Variants in SSPN observed in about 807,000 individuals in gnomAD.
SSPN encodes the protein K-ras oncogene-associated protein.
SSPN carries 15 observed loss-of-function variants against 19.1 expected under a neutral mutation model. The observed-to-expected ratio is 0.78, with a 90% CI of 0.52 to 1.21. The LOEUF is 1.21. Among genes scored for constraint, SSPN ranks in the 50% most tolerant of loss-of-function variants. The probability of loss-of-function intolerance (pLI) is 0.00; values close to 1 mark genes in which losing one functional copy is unlikely to be tolerated. For missense variants in SSPN, 291 were observed against 314.0 expected (o/e 0.93, Z 0.55); for synonymous variants, 147 against 140.3 (o/e 1.05, Z -0.34).
chr12:26,178,850 A>G (rs1369411526), intron 1 of SSPN, among the ~76,000 whole-genome samples: 1 of 152,222 alleles, frequency 6.6e-6, no homozygotes, highest in Non-Finnish European at 1.5e-5. Context: ...CTCTTGAGAT[A>G]TGATGTTACT....
intron 1 of SSPN, among the ~76,000 whole-genome samples, chr12:26,163,037 GTGTGTGTGTGTGTGTGTGTGTGTA>G (rs56723364): frequency 0.07 from 10,566 of 150,182 alleles, 1,158 homozygotes; most frequent in African/African-American, 0.23. Flanking sequence ...CAAGACGTGT[GTGTGTGTGTGTGTGTGTGTGTGTA>G]TGTGTGTGTG....
At chr12:26,141,017 T>C (rs547489507) in intron 1 of SSPN, among the ~76,000 whole-genome samples, 2 of 152,312 alleles carry the variant, frequency 1.3e-5, no homozygotes, top group Admixed American at 1.3e-4. Context: ...CAATCTATAG[T>C]AGGCAGAATA....
chr12:26,196,403 A>T (rs759744752), intron 1 of SSPN, among the ~76,000 whole-genome samples: 7 of 152,222 alleles, frequency 4.6e-5, no homozygotes, highest in African/African-American at 7.2e-5. Flanking sequence ...TGCCACATTG[A>T]GTAGCATTCA....
chr12:26,177,377 C>T (rs1944690823), intron 1 of SSPN, among the ~76,000 whole-genome samples: 2 of 152,150 alleles, frequency 1.3e-5, no homozygotes, highest in South Asian at 2.1e-4. Context: ...TCTTGGACCC[C>T]TGGACACCTT....
At chr12:26,189,836 GA>G (rs1250871404) in intron 1 of SSPN, among the ~76,000 whole-genome samples, 1 of 152,158 alleles carries the variant, frequency 6.6e-6, no homozygotes, top group Non-Finnish European at 1.5e-5. Flanking sequence ...TACTTCATGT[GA>G]TTTCTCTGTG....
chr12:26,193,163 C>G (rs1338568108), upstream of SSPN, among the ~76,000 whole-genome samples: 1 of 152,056 alleles, frequency 6.6e-6, no homozygotes. Context: ...ACTATGCTAC[C>G]CATGATAATT....
intron 1 of SSPN, among the ~76,000 whole-genome samples, chr12:26,214,073 T>G (rs922103205): frequency 6.6e-6 from 1 of 152,106 alleles, no homozygotes; most frequent in South Asian, 2.1e-4. Flanking sequence ...TTGAGCACAG[T>G]TTGAGTTCCT....
At chr12:26,166,101 A>T (rs1354564875) in intron 1 of SSPN, among the ~76,000 whole-genome samples, 1 of 152,184 alleles carries the variant, frequency 6.6e-6, no homozygotes, top group Non-Finnish European at 1.5e-5. Flanking sequence ...GGAGGGGAAC[A>T]TCACACACCA....
At chr12:26,168,039 C>T (rs1354471506) in intron 1 of SSPN, among the ~76,000 whole-genome samples, 3 of 151,580 alleles carry the variant, frequency 2.0e-5, no homozygotes, top group Non-Finnish European at 4.4e-5. Flanking sequence ...TGTGGTGAAA[C>T]CCCATCTCTA....
rs889545153 is a variant in SSPN, at chr12:26,230,697, C to G, written c.367-14C>G. On this transcript the variant is annotated splice_polypyrimidine_tract_variant and intron_variant, in intron 2 of 2. Coordinates refer to ENST00000242729, the MANE Select transcript of SSPN (RefSeq NM_005086.5). ...TCTTTGTAACCAGAAAGGTTTTCTTCTGCTTTCTTGCAGCTGTTATACTTT... is the reference window on the plus strand; with the variant it reads ...TCTTTGTAACCAGAAAGGTTTTCTTGTGCTTTCTTGCAGCTGTTATACTTT... The G allele has an allele frequency of 1.3e-6, 2 of 1,585,992 alleles. No homozygotes were observed. Among genetic ancestry groups the G allele is most frequent in the African/African-American group, 2.7e-5 (2 of 74,024 alleles).
chr12:26,122,467 G>T (rs1481241041), intron 1 of SSPN: 1 of 1,351,236 alleles, frequency 7.4e-7, no homozygotes. Context: ...AAGCAGAAGG[G>T]CAGGCAGAAG....
rs568841083 is a variant in SSPN, at chr12:26,150,672, C to A, written c.-31+28520C>A. ...TTACTAAAAAATATTTTAAGGGAAACCTTTGAGACCCCACAGTTGAGAATA... is the reference window on the plus strand; with the variant it reads ...TTACTAAAAAATATTTTAAGGGAAAACTTTGAGACCCCACAGTTGAGAATA... On this transcript the variant is annotated intron_variant, in intron 1 of 2. Coordinates refer to the SSPN transcript ENST00000538142. Among the ~76,000 whole-genome samples, 5 of 151,868 alleles carry A rather than the reference C, an allele frequency of 3.3e-5. 1 individual carries two copies. The highest frequency in any genetic ancestry group is 1.3e-4 in the Admixed American group (2 of 15,232).
At chr12:26,145,267 C>T (rs1008542628) in intron 1 of SSPN, among the ~76,000 whole-genome samples, 1 of 152,310 alleles carries the variant, frequency 6.6e-6, no homozygotes, top group African/African-American at 2.4e-5. Context: ...ATCTTCACCA[C>T]TTTGTAACCA....
intron 1 of SSPN, among the ~76,000 whole-genome samples, chr12:26,196,511 A>T (rs1944831517): frequency 6.6e-6 from 1 of 152,186 alleles, no homozygotes; most frequent in Non-Finnish European, 1.5e-5. Flanking sequence ...AATCCACTGG[A>T]GTCTAAAGTG....
intron 1 of SSPN, among the ~76,000 whole-genome samples, chr12:26,147,970 C>A (rs1036687556): frequency 6.6e-6 from 1 of 152,136 alleles, no homozygotes; most frequent in Non-Finnish European, 1.5e-5. Flanking sequence ...TAGAATATAT[C>A]TTAATATTTA....
chr12:26,128,820 C>T (rs1944381166), intron 1 of SSPN, among the ~76,000 whole-genome samples: 1 of 152,082 alleles, frequency 6.6e-6, no homozygotes, highest in African/African-American at 2.4e-5. Context: ...TAGCTGCTTC[C>T]ATTGCTTTTC....
Position 26,137,714 on chromosome 12 carries a change from G to C in SSPN, c.-31+15562G>C, listed in dbSNP as rs1337574390. ...GAGTCTTGCTCTGTTGCCTAGGCTGGAGTACAGTGGTGCAATCTTGGCTCA... is the reference window on the plus strand; with the variant it reads ...GAGTCTTGCTCTGTTGCCTAGGCTGCAGTACAGTGGTGCAATCTTGGCTCA... On this transcript the variant is annotated intron_variant, in intron 1 of 2. Coordinates refer to the SSPN transcript ENST00000538142. 5.5e-5 allele frequency among the ~76,000 whole-genome samples: 7 copies of C among 127,278 alleles called. No homozygotes were observed. In the South Asian group the frequency reaches 1.9e-3, roughly 35 times the overall value. 83.5% of individuals were successfully genotyped at this position (127,278 alleles called of 152,430 possible).
At chr12:26,195,513 C>G (rs900055341), upstream of SSPN, 7 of 1,217,452 alleles carry the variant, frequency 5.7e-6, no homozygotes, top group Admixed American at 1.3e-4. Context: ...GCGGGCTCCC[C>G]GTGGCCTTTG....
chr12:26,230,110 G>A (rs1316340407), intron 2 of SSPN, among the ~76,000 whole-genome samples: 1 of 151,066 alleles, frequency 6.6e-6, no homozygotes, highest in African/African-American at 2.5e-5. Context: ...TGAAGCTGAC[G>A]TTGAGTCACT....
Sources: allele counts gnomAD v4.1 joint callset (sites outside exome capture counted in the v4.1 genomes callset), GRCh38; gene constraint gnomAD v4.1.1; transcripts MANE v1.5; gene names NCBI Gene and HGNC (gene_info 2026-07-23, HGNC 2026-07-21).